CACNA2D3: variants seen among roughly 807,000 people sequenced by gnomAD.
CACNA2D3 encodes the protein voltage-dependent calcium channel subunit alpha-2/delta-3.
CACNA2D3 carries 60 observed loss-of-function variants against 160.6 expected under a neutral mutation model. That is an observed-to-expected ratio of 0.37 (90% CI 0.30 to 0.46). The LOEUF (loss-of-function observed/expected upper bound fraction) is 0.46, where lower values mean the gene tolerates loss of function less well. Among genes scored for constraint, CACNA2D3 ranks in the 20% least tolerant of loss-of-function variants. The pLI is 1.00. For missense variants in CACNA2D3, 1,205 were observed against 1,365.0 expected (o/e 0.88, Z 1.85); for synonymous variants, 558 against 492.9 (o/e 1.13, Z -1.75).
intron 4 of CACNA2D3, among the ~76,000 whole-genome samples, chr3:54,489,483 A>G (rs1353120545): frequency 6.6e-6 from 1 of 152,234 alleles, no homozygotes; most frequent in Non-Finnish European, 1.5e-5. Context: ...AGTTTTATAC[A>G]GTTCAATCTA....
rs55700702 is a variant in CACNA2D3, at chr3:54,703,268, TA to T, written c.1168-49327del. Among the ~76,000 whole-genome samples the T allele has an allele frequency of 6.4e-3, 977 of 152,202 alleles. 2 individuals are homozygous for T. The highest frequency in any genetic ancestry group is 9.3e-3 in the Non-Finnish European group (632 of 67,978). On this transcript the variant is annotated intron_variant, in intron 11 of 37. Coordinates refer to ENST00000474759, the MANE Select transcript of CACNA2D3 (RefSeq NM_018398.3). Reference sequence around the variant, plus strand: ...GAAAAAAAAAGGATAAAAAAATAAATAAAAGTTTTAGGTTGGACAAGGTGCC... The same window carrying T: ...GAAAAAAAAAGGATAAAAAAATAAATAAAGTTTTAGGTTGGACAAGGTGCC...
chr3:54,793,302 G>C (rs1702799242), intron 13 of CACNA2D3, among the ~76,000 whole-genome samples: 1 of 152,248 alleles, frequency 6.6e-6, no homozygotes. Context: ...AGCCAAGACT[G>C]TAACAGGTTT....
chr3:54,914,297 G>T (rs1206727325), intron 27 of CACNA2D3, among the ~76,000 whole-genome samples: 2 of 152,074 alleles, frequency 1.3e-5, no homozygotes, highest in Non-Finnish European at 2.9e-5. Flanking sequence ...AAAATTATGA[G>T]GCCTTGTCTG....
intron 17 of CACNA2D3, among the ~76,000 whole-genome samples, chr3:54,867,525 CT>C (rs1197620887): frequency 4.9e-5 from 1 of 20,500 alleles, no homozygotes; most frequent in Admixed American, 7.6e-4. Flanking sequence ...TCTAAGCCAG[CT>C]TTAAAAAAAA....
intron 11 of CACNA2D3, among the ~76,000 whole-genome samples, chr3:54,671,585 C>T (rs1559545035): frequency 6.6e-6 from 1 of 152,230 alleles, no homozygotes; most frequent in South Asian, 2.1e-4. Context: ...AACACCTTTC[C>T]TTCCAGTGTT....
intron 2 of CACNA2D3, among the ~76,000 whole-genome samples, chr3:54,218,122 A>C (rs910423828): frequency 1.3e-5 from 2 of 152,178 alleles, no homozygotes; most frequent in African/African-American, 4.8e-5. Flanking sequence ...GGAAAGCCCA[A>C]GGGTGATGGA....
At chr3:54,378,630 T>C (rs1424393963) in intron 3 of CACNA2D3, among the ~76,000 whole-genome samples, 1 of 152,248 alleles carries the variant, frequency 6.6e-6, no homozygotes, top group Non-Finnish European at 1.5e-5. Context: ...TTAAGTTTCA[T>C]GGTTAAATAG....
chr3:55,044,104 A>G (rs1704020963), intron 35 of CACNA2D3, among the ~76,000 whole-genome samples: 1 of 152,132 alleles, frequency 6.6e-6, no homozygotes, highest in South Asian at 2.1e-4. Flanking sequence ...TTGCCTTTCC[A>G]TGTAAATTTT....
At chr3:54,735,942 C>T (rs1209730432) in intron 11 of CACNA2D3, among the ~76,000 whole-genome samples, 1 of 134,004 alleles carries the variant, frequency 7.5e-6, no homozygotes, top group African/African-American at 2.7e-5. Context: ...TGGTACTAGA[C>T]ACTTTTTGCA....
chr3:54,822,730 T>TTTTC (rs61652736), intron 14 of CACNA2D3, among the ~76,000 whole-genome samples: 1,347 of 104,708 alleles, frequency 0.013, 99 homozygotes, highest in Non-Finnish European at 0.016. Context: ...TTCTTTTTTA[T>TTTTC]TTTCTTTCTT....
intron 2 of CACNA2D3, among the ~76,000 whole-genome samples, chr3:54,250,177 C>A (rs1702159960): frequency 6.6e-6 from 1 of 152,168 alleles, no homozygotes; most frequent in South Asian, 2.1e-4. Flanking sequence ...GATTTCCAGG[C>A]AAAATCCTGA....
intron 12 of CACNA2D3, among the ~76,000 whole-genome samples, chr3:54,754,435 A>G (rs1277052242): frequency 1.3e-5 from 2 of 152,184 alleles, no homozygotes; most frequent in East Asian, 1.9e-4. Flanking sequence ...ATGATGCCAT[A>G]TAAATAAAGT....
At chr3:54,346,500 T>C (rs1029653224) in intron 3 of CACNA2D3, among the ~76,000 whole-genome samples, 6 of 152,340 alleles carry the variant, frequency 3.9e-5, no homozygotes, top group Admixed American at 3.9e-4. Flanking sequence ...TACCTGTTTT[T>C]CTTCTCATGT....
At chr3:55,069,377 A>G (rs1000891471) in intron 35 of CACNA2D3, among the ~76,000 whole-genome samples, 1 of 152,272 alleles carries the variant, frequency 6.6e-6, no homozygotes, top group East Asian at 1.9e-4. Flanking sequence ...TTCCACCACC[A>G]TTGTACTTCC....
At chr3:54,546,225 G>C (rs925174401) in intron 5 of CACNA2D3, among the ~76,000 whole-genome samples, 45 of 152,308 alleles carry the variant, frequency 3.0e-4, no homozygotes, top group Admixed American at 7.8e-4. Flanking sequence ...AATAAAGACA[G>C]AAACCAGGTC....
intron 8 of CACNA2D3, among the ~76,000 whole-genome samples, chr3:54,570,320 A>G (rs1257086320): frequency 2.0e-5 from 3 of 152,082 alleles, no homozygotes; most frequent in African/African-American, 2.4e-5. Flanking sequence ...GTCTTAACCT[A>G]CCACACAGCC....
At chr3:54,841,279 A>G (rs148511513) in intron 16 of CACNA2D3, among the ~76,000 whole-genome samples, 270 of 152,306 alleles carry the variant, frequency 1.8e-3, no homozygotes, top group African/African-American at 4.9e-3. Context: ...AACTTTCTCA[A>G]CATCATTCTG....
intron 9 of CACNA2D3, among the ~76,000 whole-genome samples, chr3:54,582,519 G>A (rs543591372): frequency 8.5e-5 from 13 of 152,274 alleles, no homozygotes; most frequent in African/African-American, 3.1e-4. Flanking sequence ...AAATTTGTCA[G>A]TACAGCTACC....
At chr3:54,563,692 C>G (rs1293190953) in intron 6 of CACNA2D3, among the ~76,000 whole-genome samples, 1 of 152,208 alleles carries the variant, frequency 6.6e-6, no homozygotes, top group African/African-American at 2.4e-5. Context: ...TAGAAATTAA[C>G]AAGCTCAACC....
Sources: allele counts gnomAD v4.1 joint callset (sites outside exome capture counted in the v4.1 genomes callset), GRCh38; gene constraint gnomAD v4.1.1; transcripts MANE v1.5; gene names NCBI Gene and HGNC (gene_info 2026-07-23, HGNC 2026-07-21).